The following LYPD6 variants were observed in gnomAD, a reference collection of about 807,000 sequenced individuals.
LYPD6 encodes the protein ly6/PLAUR domain-containing protein 6.
Under a neutral mutation model 22.7 loss-of-function variants are expected in LYPD6, and 15 were observed. That is an observed-to-expected ratio of 0.66 (90% confidence interval 0.44 to 1.02). The LOEUF is 1.02. Among genes scored for constraint, LYPD6 ranks in the 50% least tolerant of loss-of-function variants. LYPD6 has a pLI of 0.00. For missense variants in LYPD6, 189 were observed against 208.4 expected (o/e 0.91, Z 0.57); for synonymous variants, 72 against 77.5 (o/e 0.93, Z 0.37).
chr2:149,342,130 A>T (rs573186895), intron 1 of LYPD6, among the ~76,000 whole-genome samples: 1 of 152,274 alleles, frequency 6.6e-6, no homozygotes, highest in African/African-American at 2.4e-5. Flanking sequence ...ACAGACTCTA[A>T]GCCCTGAGTT....
At chr2:149,333,137 A>G (rs1429878696) in intron 1 of LYPD6, among the ~76,000 whole-genome samples, 1 of 152,236 alleles carries the variant, frequency 6.6e-6, no homozygotes. Flanking sequence ...AAATAAAATC[A>G]GAACTACTCT....
intron 1 of LYPD6, chr2:149,367,992 A>G (rs1359234488): frequency 6.6e-6 from 1 of 152,212 alleles, no homozygotes; most frequent in East Asian, 1.9e-4. Context: ...CGTGAATATA[A>G]GTAGAAGAAA....
intron 1 of LYPD6, among the ~76,000 whole-genome samples, chr2:149,384,529 G>T (rs1682136718): frequency 6.6e-6 from 1 of 152,110 alleles, no homozygotes. Context: ...CATGGGCACT[G>T]GTTGGGGGAA....
At chr2:149,408,438 A>G (rs993188680) in intron 1 of LYPD6, among the ~76,000 whole-genome samples, 1 of 152,098 alleles carries the variant, frequency 6.6e-6, no homozygotes, top group African/African-American at 2.4e-5. Flanking sequence ...AGTTTCTTCT[A>G]TTTGAATATC....
At position 149,449,094 on chromosome 2, in the gene LYPD6, C is replaced by T. The variant is rs1258301626; in HGVS notation, c.164C>T (p.Ala55Val). Reference sequence around the variant, plus strand: ...TTTAAATGTTTCACCTGTGAAAAGGCAGCAGACAATTATGAGTGCAACCGA... The same window carrying T: ...TTTAAATGTTTCACCTGTGAAAAGGTAGCAGACAATTATGAGTGCAACCGA... Reference protein sequence around the residue: ...GGFKCFTCEKAADNYECNRWA... With the variant: ...GGFKCFTCEKVADNYECNRWA... Residue 55 changes from alanine (A) to valine (V), a missense_variant, in exon 3 of 5, where the codon GCA (alanine) becomes GTA (valine). By Grantham distance (64) the Ala-to-Val change is moderately conservative (BLOSUM62 0). Transcript: ENST00000334166. 1 of 1,613,686 alleles carries T rather than the reference C, an allele frequency of 6.2e-7. No individual in the cohort carries two copies. The highest frequency in any genetic ancestry group is 2.2e-5 in the East Asian group (1 of 44,842).
chr2:149,347,969 A>G (rs1306646899), intron 1 of LYPD6, among the ~76,000 whole-genome samples: 1 of 147,358 alleles, frequency 6.8e-6, no homozygotes, highest in East Asian at 2.0e-4. Context: ...TAATCCCAGC[A>G]TTTTGGGAGG....
At position 149,445,663 on chromosome 2, in the gene LYPD6, G is replaced by T. The variant is rs577964831; in HGVS notation, c.119-3386G>T. 2.0e-5 allele frequency among the ~76,000 whole-genome samples: 3 copies of T among 152,286 alleles called. No individual in the cohort carries two copies. In the South Asian group the frequency reaches 6.2e-4, roughly 32 times the overall value. On this transcript the variant is annotated intron_variant, in intron 2 of 4. Coordinates refer to ENST00000334166, the MANE Select transcript of LYPD6 (RefSeq NM_194317.5). Reference sequence around the variant, plus strand: ...GCAGACTTTTCTTCTGCAGCTTCATGTCTCTCAGCCTTTATAGAACTAATA... The same window carrying T: ...GCAGACTTTTCTTCTGCAGCTTCATTTCTCTCAGCCTTTATAGAACTAATA...
At chr2:149,426,356 C>T (rs1003011807) in intron 1 of LYPD6, among the ~76,000 whole-genome samples, 2 of 152,182 alleles carry the variant, frequency 1.3e-5, no homozygotes, top group East Asian at 3.9e-4. Context: ...CCAGGTAGGA[C>T]ACAAGATTCA....
At chr2:149,417,398 CTG>C (rs1682988268) in intron 1 of LYPD6, among the ~76,000 whole-genome samples, 3 of 152,232 alleles carry the variant, frequency 2.0e-5, no homozygotes. Context: ...TTTTAGAAAA[CTG>C]TAATACAGAA....
intron 1 of LYPD6, among the ~76,000 whole-genome samples, chr2:149,421,696 T>G (rs1368814825): frequency 6.6e-6 from 1 of 152,196 alleles, no homozygotes; most frequent in African/African-American, 2.4e-5. Flanking sequence ...ATATTTATAT[T>G]TGGCAATTTT....
intron 1 of LYPD6, among the ~76,000 whole-genome samples, chr2:149,404,463 G>A (rs1229315803): frequency 6.6e-6 from 1 of 152,158 alleles, no homozygotes; most frequent in Non-Finnish European, 1.5e-5. Context: ...CTTGTAAGTT[G>A]GATTCCTAGG....
downstream of LYPD6, among the ~76,000 whole-genome samples, chr2:149,477,593 AGCCT>A (rs1681464043): frequency 7.3e-6 from 1 of 137,200 alleles, no homozygotes; most frequent in South Asian, 2.5e-4. Context: ...ACTGCACTCC[AGCCT>A]GGGTGACAGA....
At chr2:149,468,160 C>G (rs1681246780) in intron 3 of LYPD6, among the ~76,000 whole-genome samples, 1 of 148,014 alleles carries the variant, frequency 6.8e-6, no homozygotes, top group African/African-American at 2.6e-5. Flanking sequence ...CACACACACA[C>G]ACACACACAC....
intron 3 of LYPD6, among the ~76,000 whole-genome samples, chr2:149,464,743 C>T (rs141983742): frequency 3.3e-5 from 5 of 152,036 alleles, no homozygotes; most frequent in African/African-American, 1.2e-4. Flanking sequence ...CAATGAGGTC[C>T]GGAATTGAGG....
At chr2:149,387,817 G>A (rs1343737384) in intron 1 of LYPD6, among the ~76,000 whole-genome samples, 1 of 152,178 alleles carries the variant, frequency 6.6e-6, no homozygotes, top group Non-Finnish European at 1.5e-5. Flanking sequence ...AAGAGTTGGA[G>A]CATCTTCTCA....
chr2:149,449,010 G>T (rs763154792), intron 2 of LYPD6, 39 bp from the exon 3 acceptor site: 2 of 1,442,518 alleles, frequency 1.4e-6, no homozygotes, highest in Non-Finnish European at 1.9e-6. Context: ...TCTGTGCCTT[G>T]TCTAAAAATT....
chr2:149,439,648 A>G (rs1683512637), intron 2 of LYPD6, among the ~76,000 whole-genome samples: 1 of 152,174 alleles, frequency 6.6e-6, no homozygotes, highest in Admixed American at 6.5e-5. Context: ...CTGCCTCAGT[A>G]GTGTGGTGGG....
At chr2:149,405,177 C>A (rs1182325568) in intron 1 of LYPD6, among the ~76,000 whole-genome samples, 2 of 151,978 alleles carry the variant, frequency 1.3e-5, no homozygotes, top group South Asian at 4.2e-4. Context: ...TTCATCAAGG[C>A]TATTGGTCTA....
Position 149,473,848 on chromosome 2 carries a change from G to A in LYPD6, c.*2998G>A, listed in dbSNP as rs930757985. The A allele has an allele frequency of 3.3e-5, 5 of 152,090 alleles. No individual in the cohort carries two copies. The highest frequency in any genetic ancestry group is 5.9e-5 in the Non-Finnish European group (4 of 68,024). The allele number at this position is 152,090 out of a possible 1,614,324, so 9.4% of individuals were successfully genotyped here. On this transcript the variant is annotated 3_prime_UTR_variant, in exon 5 of 5. Coordinates refer to ENST00000334166, the MANE Select transcript of LYPD6 (RefSeq NM_194317.5). The stretch of plus-strand genomic sequence containing the variant: ...ACTGCAGAAAATAAAAGAAGGAAAG[G>A]CTACCAGACTTTTCAATAAGGTCTA...
Sources: gnomAD v4.1 joint callset for allele counts (sites outside exome capture counted in the v4.1 genomes callset) on GRCh38, gnomAD v4.1.1 for gene constraint, MANE v1.5 for transcripts, NCBI Gene and HGNC (gene_info 2026-07-23, HGNC 2026-07-21) for gene names.